The following SHISA6 variants were observed in gnomAD, a reference collection of about 807,000 sequenced individuals.
SHISA6 encodes protein shisa-6.
SHISA6 carries 22 observed loss-of-function variants against 47.9 expected under a neutral mutation model. The ratio of observed to expected loss-of-function variants is 0.46; its 90% CI spans 0.33 to 0.66. The LOEUF (loss-of-function observed/expected upper bound fraction) is 0.66. SHISA6 is among the 30% of genes least tolerant of loss of function. The probability of loss-of-function intolerance (pLI) is 0.02; values close to 1 mark genes in which losing one functional copy is unlikely to be tolerated. For missense variants in SHISA6, 680 were observed against 764.6 expected (o/e 0.89, Z 1.30); for synonymous variants, 388 against 337.8 (o/e 1.15, Z -1.63).
intron 2 of SHISA6, among the ~76,000 whole-genome samples, chr17:11,301,049 C>T (rs1335135473): frequency 6.6e-6 from 1 of 152,174 alleles, no homozygotes; most frequent in Non-Finnish European, 1.5e-5. Context: ...AAAAGAACTT[C>T]TCCAGTACAG....
Position 11,557,994 on chromosome 17 carries a change from C to A in SHISA6, c.1346C>A (p.Thr449Lys), listed in dbSNP as rs760800852. ...RILSDEQLLS[T>K]ERLHSQDPLL... The stretch of plus-strand genomic sequence containing the variant: ...CTGTCCGACGAGCAGCTGCTCTCCA[C>A]GGAGCGCCTGCACTCCCAGGACCCG... The change falls in exon 6 of 6, where the codon ACG (threonine) becomes AAG (lysine). Residue 449 changes from threonine to lysine, a missense_variant. Coordinates refer to ENST00000441885, the MANE Select transcript of SHISA6 (RefSeq NM_207386.4). The A allele has an allele frequency of 9.7e-6, 15 of 1,551,410 alleles. 1 individual carries two copies. The South Asian group carries it at 1.5e-4, about 16-fold the overall frequency.
chr17:11,269,027 G>GT (rs1384184348), intron 2 of SHISA6, among the ~76,000 whole-genome samples: 5 of 150,016 alleles, frequency 3.3e-5, no homozygotes, highest in African/African-American at 7.5e-5. Context: ...CCGGTGCCCA[G>GT]TTTTTTTTGT....
chr17:11,539,968 C>A lies in SHISA6; in HGVS notation c.896-11928C>A, dbSNP rs573641787. On this transcript the variant is annotated intron_variant, in intron 3 of 5. Transcript: ENST00000441885. ...AACTTAACAGACTGCATGCATATCC[C>A]CGCAGAGAAGAGCCCTCGACAAAAT... Among the ~76,000 whole-genome samples the A allele has an allele frequency of 4.6e-5, 7 of 152,204 alleles. No individual in the cohort carries two copies. In the East Asian group the frequency reaches 1.4e-3, roughly 29 times the overall value.
chr17:11,267,091 A>C (rs1482903014), intron 2 of SHISA6, among the ~76,000 whole-genome samples: 1 of 152,246 alleles, frequency 6.6e-6, no homozygotes, highest in African/African-American at 2.4e-5. Context: ...CCACATTAGC[A>C]GAAAAATCCT....
chr17:11,425,006 C>CA (rs34270452), intron 3 of SHISA6, among the ~76,000 whole-genome samples: 15,774 of 69,704 alleles, frequency 0.23, 1,923 homozygotes, highest in East Asian at 0.41. Flanking sequence ...TACTCCGTCT[C>CA]AAAAAAAAAA....
intron 3 of SHISA6, among the ~76,000 whole-genome samples, chr17:11,386,571 A>T (rs1258797997): frequency 3.3e-5 from 5 of 152,146 alleles, no homozygotes; most frequent in African/African-American, 4.8e-5. Context: ...TTTTTTTAAG[A>T]GGAGAGAAAT....
At chr17:11,503,018 C>G (rs1466107889) in intron 3 of SHISA6, among the ~76,000 whole-genome samples, 1 of 152,128 alleles carries the variant, frequency 6.6e-6, no homozygotes, top group African/African-American at 2.4e-5. Flanking sequence ...TTTGATCAAC[C>G]ATGTACTTTT....
chr17:11,524,962 G>C lies in SHISA6; in HGVS notation c.896-26934G>C, dbSNP rs541856548. 3.4e-5 allele frequency among the ~76,000 whole-genome samples: 5 copies of C among 146,530 alleles called. No homozygotes were observed. The South Asian group carries it at 1.0e-3, about 30-fold the overall frequency. ...TACACAGTTGAAACCCTGAGATGAC[G>C]GGGGGGTAGATGATCCTTTCATGTC... On this transcript the variant is annotated intron_variant, in intron 3 of 5. Transcript: ENST00000441885.
chr17:11,290,977 A>G (rs2142168881), intron 2 of SHISA6, among the ~76,000 whole-genome samples: 1 of 151,312 alleles, frequency 6.6e-6, no homozygotes, highest in African/African-American at 2.4e-5. Context: ...ATTTATTATT[A>G]ATTTAATAAT....
chr17:11,487,206 G>A (rs1444922004), intron 3 of SHISA6, among the ~76,000 whole-genome samples: 2 of 152,130 alleles, frequency 1.3e-5, no homozygotes, highest in South Asian at 2.1e-4. Context: ...GTCCACCGTC[G>A]AGGGGCATCA....
intron 3 of SHISA6, among the ~76,000 whole-genome samples, chr17:11,448,315 G>A (rs1915291278): frequency 6.6e-6 from 1 of 152,106 alleles, no homozygotes; most frequent in South Asian, 2.1e-4. Context: ...AGAATCTCCT[G>A]TGCCAGGAGT....
At chr17:11,321,385 C>G (rs371602904) in intron 2 of SHISA6, among the ~76,000 whole-genome samples, 31 of 152,082 alleles carry the variant, frequency 2.0e-4, no homozygotes, top group African/African-American at 7.0e-4. Context: ...GGTAGGCAAA[C>G]AAGAAAAGGA....
At chr17:11,358,716 T>C (rs1005595262) in intron 2 of SHISA6, among the ~76,000 whole-genome samples, 2 of 149,520 alleles carry the variant, frequency 1.3e-5, no homozygotes, top group Admixed American at 6.7e-5. Flanking sequence ...CAGGCTGGAG[T>C]GCAGTGGCGG....
intron 3 of SHISA6, among the ~76,000 whole-genome samples, chr17:11,448,956 T>C (rs565451958): frequency 6.6e-6 from 1 of 152,358 alleles, no homozygotes; most frequent in South Asian, 2.1e-4. Flanking sequence ...TTCTACTCCC[T>C]AAGTAAAAGT....
chr17:11,263,064 G>C (rs1439222172), intron 1 of SHISA6, among the ~76,000 whole-genome samples: 1 of 152,166 alleles, frequency 6.6e-6, no homozygotes, highest in African/African-American at 2.4e-5. Context: ...TACCTGCCTG[G>C]CATAGGTGGA....
chr17:11,303,691 T>C, intron 2 of SHISA6, among the ~76,000 whole-genome samples: 1 of 152,194 alleles, frequency 6.6e-6, no homozygotes, highest in South Asian at 2.1e-4. Context: ...GGCCTGGTGC[T>C]CTCAAGCCCC....
intron 1 of SHISA6, among the ~76,000 whole-genome samples, chr17:11,251,638 C>T (rs1907815301): frequency 6.6e-6 from 1 of 152,174 alleles, no homozygotes; most frequent in Non-Finnish European, 1.5e-5. Flanking sequence ...TGCCCCATGT[C>T]TAACATCTAG....
chr17:11,256,357 G>A (rs1222100284), intron 1 of SHISA6, among the ~76,000 whole-genome samples: 1 of 152,128 alleles, frequency 6.6e-6, no homozygotes, highest in Admixed American at 6.5e-5. Context: ...GTAGCTGGGC[G>A]TGGTGACAGG....
chr17:11,356,419 T>G (rs1001271382), intron 2 of SHISA6, among the ~76,000 whole-genome samples: 8 of 152,174 alleles, frequency 5.3e-5, no homozygotes, highest in Admixed American at 3.9e-4. Flanking sequence ...CAGATGCAAT[T>G]ACTCTCTCCC....
Sources: gnomAD v4.1 joint callset for allele counts (sites outside exome capture counted in the v4.1 genomes callset) on GRCh38, gnomAD v4.1.1 for gene constraint, MANE v1.5 for transcripts, NCBI Gene and HGNC (gene_info 2026-07-23, HGNC 2026-07-21) for gene names.